TIMM8A: variants seen among roughly 807,000 people sequenced by gnomAD.
TIMM8A encodes translocase of inner mitochondrial membrane 8A, also known as mitochondrial import inner membrane translocase subunit Tim8 A.
Under a neutral mutation model 6.8 loss-of-function variants are expected in TIMM8A, and 2 were observed. The ratio of observed to expected loss-of-function variants is 0.30; its 90% CI spans 0.12 to 0.93. The LOEUF (loss-of-function observed/expected upper bound fraction) is 0.93. Ranked by LOEUF, TIMM8A falls within the 40% of genes least tolerant of loss-of-function variation. TIMM8A has a pLI of 0.55. For synonymous variants in TIMM8A, 26 were observed against 28.5 expected (o/e 0.91, Z 0.28); for missense variants, 34 against 75.2 (o/e 0.45, Z 2.02).
At chrX:101,348,382 T>C (rs782073453) in intron 1 of TIMM8A, 151 bp downstream of exon 1, 3 of 1,176,447 alleles carry the variant, frequency 2.6e-6, no homozygotes, top group Admixed American at 5.1e-5. Flanking sequence ...CCTTCTCCCA[T>C]CCGGCTAGGC....
At chrX:101,348,164 T>A in intron 1 of TIMM8A, 1 of 1,082,877 alleles carries the variant, frequency 9.2e-7, no homozygotes, top group Non-Finnish European at 1.2e-6. Flanking sequence ...GATTCACTGA[T>A]TCACTGACTC....
intron 1 of TIMM8A, 39 bp from the exon 2 acceptor site, chrX:101,346,699 G>A (rs1215871698): frequency 8.4e-7 from 1 of 1,195,482 alleles, no homozygotes; most frequent in Non-Finnish European, 1.1e-6. Context: ...AGGGAACTTG[G>A]AAAGAAAAAG....
At position 101,346,811 on chromosome X, in the gene TIMM8A, C is replaced by A. The variant is rs921732441; in HGVS notation, c.133-151G>T. The A allele has an allele frequency of 3.0e-5, 15 of 504,662 alleles. No individual in the cohort carries two copies. The African/African-American group carries it at 3.6e-4, about 12-fold the overall frequency. 41.6% of individuals were successfully genotyped at this position (504,662 alleles called of 1,213,427 possible). A position where few individuals can be genotyped will look rare whatever the true frequency, so the allele number is the denominator to read the frequency against. On this transcript the variant is annotated intron_variant, in intron 1 of 1. Coordinates refer to ENST00000372902, the MANE Select transcript of TIMM8A (RefSeq NM_004085.4). ...CTGATAGTTCACATTTGGCAGCTGA[C>A]CAAGTATATAGCAATGTTCTCTAGC... is the stretch of plus-strand genomic sequence containing the variant.
intron 1 of TIMM8A, chrX:101,347,259 T>C (rs1422397568): frequency 2.7e-5 from 3 of 109,881 alleles, no homozygotes; most frequent in African/African-American, 9.9e-5. Flanking sequence ...CAGTTTTTTT[T>C]CCTTTCTTTT....
intron 1 of TIMM8A, chrX:101,347,257 T>C (rs931806674): frequency 1.2e-4 from 13 of 110,087 alleles, no homozygotes; most frequent in African/African-American, 4.3e-4. Flanking sequence ...TACAGTTTTT[T>C]TTCCTTTCTT....
intron 1 of TIMM8A, chrX:101,348,098 C>T: frequency 9.8e-7 from 1 of 1,019,459 alleles, no homozygotes; most frequent in Admixed American, 4.3e-5. Context: ...CATTTTTCAG[C>T]GGAGAGGGTT....
In TIMM8A at chrX:101,345,978, C is replaced by T. The variant is rs3027654; in HGVS notation, c.*521G>A. 0.024 allele frequency: 17,581 copies of T among 737,927 alleles called. 1,217 individuals are homozygous for T. In the African/African-American group the frequency reaches 0.32, roughly 13 times the overall value. 60.8% of individuals were successfully genotyped at this position (737,927 alleles called of 1,213,427 possible). A position where few individuals can be genotyped will look rare whatever the true frequency, so the allele number is the denominator to read the frequency against. ...TAATATGGATATTTAAGCAAATCATCATATAGGAAAGGGAGATCAAGATAA... is the reference window on the plus strand; with the variant it reads ...TAATATGGATATTTAAGCAAATCATTATATAGGAAAGGGAGATCAAGATAA... On this transcript the variant is annotated 3_prime_UTR_variant, in exon 2 of 2. Coordinates refer to ENST00000372902, the MANE Select transcript of TIMM8A (RefSeq NM_004085.4).
At chrX:101,348,073 T>C in intron 1 of TIMM8A, 1 of 992,748 alleles carries the variant, frequency 1.0e-6, no homozygotes, top group Non-Finnish European at 1.3e-6. Flanking sequence ...TTATAGTTAC[T>C]GGGCTGGAGC....
At chrX:101,348,298 C>G in intron 1 of TIMM8A, 1 of 1,165,820 alleles carries the variant, frequency 8.6e-7, no homozygotes, top group Non-Finnish European at 1.1e-6. Context: ...TGGCATAAGT[C>G]TTCTTTGATA....
chrX:101,345,718 CACTA>C lies in TIMM8A; in HGVS notation c.*777_*780del, dbSNP rs781979163. The stretch of plus-strand genomic sequence containing the variant: ...AGAAGAATGCAGTAAATGGAATCTA[CACTA>C]ACTAACATTAGGCATGCACCTCTAC... On this transcript the variant is annotated 3_prime_UTR_variant, in exon 2 of 2. Coordinates refer to ENST00000372902, the MANE Select transcript of TIMM8A (RefSeq NM_004085.4). The C allele has an allele frequency of 4.7e-4, 349 of 750,440 alleles. No homozygotes were observed. The highest frequency in any genetic ancestry group is 1.2e-3 in the East Asian group (8 of 6,576). 61.8% of individuals were successfully genotyped at this position (750,440 alleles called of 1,213,427 possible).
intron 1 of TIMM8A, chrX:101,348,066 T>C: frequency 5.1e-6 from 5 of 977,638 alleles, no homozygotes; most frequent in Non-Finnish European, 6.4e-6. Flanking sequence ...ACCACTTTTA[T>C]AGTTACTGGG....
chrX:101,348,703 G>A lies in TIMM8A; in HGVS notation c.-39C>T. 8.3e-7 allele frequency: 1 copy of A among 1,207,874 alleles called. No individual in the cohort carries two copies. The highest frequency in any genetic ancestry group is 1.1e-6 in the Non-Finnish European group (1 of 893,959). On this transcript the variant is annotated 5_prime_UTR_variant, in exon 1 of 2. Coordinates refer to ENST00000372902, the MANE Select transcript of TIMM8A (RefSeq NM_004085.4). The stretch of plus-strand genomic sequence containing the variant: ...AGCTTGCAGAGACGAACTCCGCACC[G>A]ACCTTCACGTGTCTCCGCGACGGAA...
chrX:101,346,404 G>T lies in TIMM8A; in HGVS notation c.*95C>A, dbSNP rs1283007618. On this transcript the variant is annotated 3_prime_UTR_variant, in exon 2 of 2. Transcript: ENST00000372902. Reference sequence around the variant, plus strand: ...GATGTCCCAAGAGTAACAAAAGATGGGAGCCAATCCTCTCATAGCTGTTTC... The same window carrying T: ...GATGTCCCAAGAGTAACAAAAGATGTGAGCCAATCCTCTCATAGCTGTTTC... The T allele has an allele frequency of 2.5e-6, 3 of 1,207,041 alleles. No individual in the cohort carries two copies. The highest frequency in any genetic ancestry group is 3.5e-5 in the South Asian group (2 of 56,450).
chrX:101,348,635 C>T lies in TIMM8A; in HGVS notation c.30G>A (p.Ala10=). MDSSSSSSA[A]GLGAVDPQLQ... ...ACTGCGGGTCCACTGCACCCAAACCCGCCGCGGAGGAAGAGGAGGAGGAAT... is the reference window on the plus strand; with the variant it reads ...ACTGCGGGTCCACTGCACCCAAACCTGCCGCGGAGGAAGAGGAGGAGGAAT... Residue 10 remains alanine, a synonymous_variant, in exon 1 of 2, where the codon GCG becomes GCA. Transcript: ENST00000372902. 8.3e-7 allele frequency: 1 copy of T among 1,211,696 alleles called. No individual in the cohort carries two copies. Among genetic ancestry groups the T allele is most frequent in the Non-Finnish European group, 1.1e-6 (1 of 895,492 alleles).
intron 1 of TIMM8A, chrX:101,347,903 A>G (rs782327000): frequency 3.1e-6 from 1 of 323,579 alleles, no homozygotes; most frequent in East Asian, 1.7e-4. Flanking sequence ...CAAGCAGAAC[A>G]CGTTGTTGGC....
Position 101,348,688 on chromosome X carries a change from G to C in TIMM8A, c.-24C>G. ...ATCCCAGGGCGACCAAGCTTGCAGAGACGAACTCCGCACCGACCTTCACGT... is the reference window on the plus strand; with the variant it reads ...ATCCCAGGGCGACCAAGCTTGCAGACACGAACTCCGCACCGACCTTCACGT... On this transcript the variant is annotated 5_prime_UTR_variant, in exon 1 of 2. Transcript: ENST00000372902. The C allele has an allele frequency of 8.3e-7, 1 of 1,209,663 alleles. No homozygotes were observed. Among genetic ancestry groups the C allele is most frequent in the East Asian group, 3.0e-5 (1 of 33,759 alleles).
At position 101,345,989 on chromosome X, in the gene TIMM8A, G is replaced by A. The variant is rs1926058513; in HGVS notation, c.*510C>T. On this transcript the variant is annotated 3_prime_UTR_variant, in exon 2 of 2. Transcript: ENST00000372902. ...TTTAAGCAAATCATCATATAGGAAA[G>A]GGAGATCAAGATAACTGAAGTGTAC... is the stretch of plus-strand genomic sequence containing the variant. 2.9e-6 allele frequency: 2 copies of A among 694,646 alleles called. No individual in the cohort carries two copies. Among genetic ancestry groups the A allele is most frequent in the African/African-American group, 1.1e-4 (2 of 18,748 alleles). 57.2% of individuals were successfully genotyped at this position (694,646 alleles called of 1,213,427 possible).
At position 101,348,611 on chromosome X, in the gene TIMM8A, C is replaced by A. The variant is rs1418814141; in HGVS notation, c.54G>T (p.Gln18His). The A allele has an allele frequency of 1.7e-6, 2 of 1,209,890 alleles. No individual in the cohort carries two copies. Among genetic ancestry groups the A allele is most frequent in the Non-Finnish European group, 2.2e-6 (2 of 895,145 alleles). The change falls in exon 1 of 2, where the codon CAG (glutamine) becomes CAT (histidine). Residue 18 changes from glutamine (Q) to histidine (H), a missense_variant. By Grantham distance (24) the Gln-to-His change is conservative. Coordinates refer to ENST00000372902, the MANE Select transcript of TIMM8A (RefSeq NM_004085.4). Reference protein sequence around the residue: ...SAAGLGAVDPQLQHFIEVETQ... With the variant: ...SAAGLGAVDPHLQHFIEVETQ... ...TCTCTACCTCGATGAAATGCTGCAACTGCGGGTCCACTGCACCCAAACCCG... is the reference window on the plus strand; with the variant it reads ...TCTCTACCTCGATGAAATGCTGCAAATGCGGGTCCACTGCACCCAAACCCG...
chrX:101,346,075 T>C lies in TIMM8A; in HGVS notation c.*424A>G. ...TTGACAATCAAACACTAGATAAGGATACCAAATTATTCTTCCCCTACTTCT... is the reference window on the plus strand; with the variant it reads ...TTGACAATCAAACACTAGATAAGGACACCAAATTATTCTTCCCCTACTTCT... On this transcript the variant is annotated 3_prime_UTR_variant, in exon 2 of 2. Coordinates refer to ENST00000372902, the MANE Select transcript of TIMM8A (RefSeq NM_004085.4). 1.1e-5 allele frequency: 9 copies of C among 826,416 alleles called. No individual in the cohort carries two copies. The highest frequency in any genetic ancestry group is 1.3e-5 in the Non-Finnish European group (9 of 685,564). The allele number at this position is 826,416 out of a possible 1,213,427, so 68.1% of individuals were successfully genotyped here.
Sources: allele counts gnomAD v4.1 joint callset, GRCh38; gene constraint gnomAD v4.1.1; transcripts MANE v1.5; gene names NCBI Gene and HGNC (gene_info 2026-07-23, HGNC 2026-07-21).